CEP68: variants seen among roughly 807,000 people sequenced by gnomAD.
CEP68 encodes centrosomal protein of 68 kDa.
Under a neutral mutation model 55.3 loss-of-function variants are expected in CEP68, and 26 were observed. The ratio of observed to expected loss-of-function variants is 0.47; its 90% confidence interval spans 0.34 to 0.65. CEP68 has a LOEUF of 0.65. Among genes scored for constraint, CEP68 ranks in the 30% least tolerant of loss-of-function variants. The pLI is 0.01. For synonymous variants in CEP68, 402 were observed against 383.2 expected (o/e 1.05, Z -0.57); for missense variants, 957 against 946.7 (o/e 1.01, Z -0.14).
intron 5 of CEP68, chr2:65,080,667 A>C: frequency 4.2e-6 from 2 of 472,292 alleles, no homozygotes; most frequent in Non-Finnish European, 5.5e-6. Flanking sequence ...AAAGTAAAAA[A>C]ATTAGCTGGG....
In CEP68 at chr2:65,072,021, C is replaced by T; in HGVS notation, c.925C>T (p.Leu309=). 6.2e-7 allele frequency: 1 copy of T among 1,613,536 alleles called. No individual in the cohort carries two copies. The highest frequency in any genetic ancestry group is 8.5e-7 in the Non-Finnish European group (1 of 1,180,012). Residue 309 remains leucine, a synonymous_variant, in exon 3 of 7, where the codon CTG becomes TTG. Coordinates refer to ENST00000377990, the MANE Select transcript of CEP68 (RefSeq NM_015147.3). ...AGATCTGCTTGACTATACTTACCCA[C>T]TGAGGCCCGGGCCTCAGCTCCCAAA... ...YEDLLDYTYP[L]RPGPQLPKHL...
At chr2:65,057,304 A>G (rs1028136571) in intron 1 of CEP68, among the ~76,000 whole-genome samples, 4 of 152,230 alleles carry the variant, frequency 2.6e-5, no homozygotes, top group African/African-American at 9.6e-5. Context: ...GATCTAGGGT[A>G]TGAAGAGTGT....
chr2:65,069,974 G>C (rs1383269939), intron 2 of CEP68, among the ~76,000 whole-genome samples, 173 bp downstream of exon 2: 1 of 152,184 alleles, frequency 6.6e-6, no homozygotes, highest in Non-Finnish European at 1.5e-5. Flanking sequence ...TGGGCCTCAG[G>C]ACCGGCCGGG....
At chr2:65,077,383 A>G (rs1431478714) in intron 4 of CEP68, among the ~76,000 whole-genome samples, 1 of 151,952 alleles carries the variant, frequency 6.6e-6, no homozygotes, top group African/African-American at 2.4e-5. Flanking sequence ...TGCTTGGGAA[A>G]CTCACAGCTT....
At chr2:65,061,638 G>A (rs1573016548) in intron 1 of CEP68, among the ~76,000 whole-genome samples, 1 of 152,240 alleles carries the variant, frequency 6.6e-6, no homozygotes, top group African/African-American at 2.4e-5. Context: ...TGGTGTGGGG[G>A]ACTGTGGGGC....
Position 65,084,575 on chromosome 2 carries a change from TTTGCAGCAAGATGA to T in CEP68, c.*943_*956del, listed in dbSNP as rs1356436733. 1 of 152,212 alleles carries T rather than the reference TTTGCAGCAAGATGA, an allele frequency of 6.6e-6. No homozygotes were observed. The highest frequency in any genetic ancestry group is 1.5e-5 in the Non-Finnish European group (1 of 68,036). 9.4% of individuals were successfully genotyped at this position (152,212 alleles called of 1,614,324 possible). On this transcript the variant is annotated 3_prime_UTR_variant, in exon 7 of 7. Coordinates refer to ENST00000377990, the MANE Select transcript of CEP68 (RefSeq NM_015147.3). ...ATTCAAAGCATCAATTCTATAGCTT[TTTGCAGCAAGATGA>T]TCAGTTATTGCTGGTAACTGCAGAT...
At chr2:65,058,620 C>A (rs1675769528) in intron 1 of CEP68, among the ~76,000 whole-genome samples, 1 of 144,558 alleles carries the variant, frequency 6.9e-6, no homozygotes, top group Non-Finnish European at 1.5e-5. Flanking sequence ...AATTCTCCTA[C>A]CTCAGCCTTC....
At chr2:65,080,233 CAA>C (rs1676945952) in intron 5 of CEP68, 1 of 984,982 alleles carries the variant, frequency 1.0e-6, no homozygotes, top group South Asian at 4.7e-5. Flanking sequence ...TTTGCTCTCT[CAA>C]GAGGTTTTTT....
At chr2:65,056,899 G>T (rs1675635793) in intron 1 of CEP68, among the ~76,000 whole-genome samples, 1 of 152,188 alleles carries the variant, frequency 6.6e-6, no homozygotes, top group African/African-American at 2.4e-5. Context: ...GGGCCCCGGG[G>T]GAGGTCACTT....
At chr2:65,082,867 TATG>T (rs1408766718) in intron 6 of CEP68, among the ~76,000 whole-genome samples, 158 bp downstream of exon 6, 2 of 152,224 alleles carry the variant, frequency 1.3e-5, no homozygotes, top group African/African-American at 4.8e-5. Flanking sequence ...CTGGTCTTCC[TATG>T]ATGATGAAGG....
chr2:65,069,858 C>A, intron 2 of CEP68, 57 bp downstream of exon 2: 1 of 1,440,432 alleles, frequency 6.9e-7, no homozygotes, highest in Non-Finnish European at 9.7e-7. Context: ...GGAGTTTGTT[C>A]AGGATTTCCT....
At chr2:65,065,400 G>A (rs1676118051) in intron 1 of CEP68, among the ~76,000 whole-genome samples, 1 of 152,180 alleles carries the variant, frequency 6.6e-6, no homozygotes. Flanking sequence ...ATACAGTACT[G>A]GTCAGTAATG....
In CEP68 at chr2:65,071,619, C is replaced by T. The variant is rs761671530; in HGVS notation, c.523C>T (p.Leu175Phe). 2.8e-5 allele frequency: 45 copies of T among 1,614,236 alleles called. No individual in the cohort carries two copies. The highest frequency in any genetic ancestry group is 3.7e-5 in the Non-Finnish European group (44 of 1,180,046). ...CAGCCAGCAGCCTCACAGCTCAGGT[C>T]TCTCTTGCCTGTCACAGTGGAAGTC... ...DLSQQPHSSG[L>F]SCLSQWKSVL... The change falls in exon 3 of 7, where the codon CTC (leucine) becomes TTC (phenylalanine). Residue 175 changes from leucine to phenylalanine, a missense_variant. Coordinates refer to ENST00000377990, the MANE Select transcript of CEP68 (RefSeq NM_015147.3).
At chr2:65,079,082 C>T (rs1050272829) in intron 5 of CEP68, among the ~76,000 whole-genome samples, 2 of 152,152 alleles carry the variant, frequency 1.3e-5, no homozygotes, top group Non-Finnish European at 2.9e-5. Flanking sequence ...TGCTGACAGC[C>T]TGCCTATATT....
At chr2:65,056,863 C>T (rs950338946) in intron 1 of CEP68, among the ~76,000 whole-genome samples, 2 of 152,152 alleles carry the variant, frequency 1.3e-5, no homozygotes, top group South Asian at 2.1e-4. Flanking sequence ...ATCTGGCGGC[C>T]GAGCAGCTGC....
intron 4 of CEP68, chr2:65,075,130 A>G (rs1676700698): frequency 6.6e-6 from 1 of 152,346 alleles, no homozygotes; most frequent in African/African-American, 2.4e-5. Flanking sequence ...TTAAATAGAA[A>G]TCTAGGCCAG....
At chr2:65,065,745 G>T (rs1676131975) in intron 1 of CEP68, among the ~76,000 whole-genome samples, 1 of 152,102 alleles carries the variant, frequency 6.6e-6, no homozygotes, top group South Asian at 2.1e-4. Context: ...AACTAGGGCG[G>T]ATCATTTGAG....
At chr2:65,062,041 C>T (rs1675935049) in intron 1 of CEP68, among the ~76,000 whole-genome samples, 4 of 152,220 alleles carry the variant, frequency 2.6e-5, no homozygotes, top group African/African-American at 9.6e-5. Flanking sequence ...GCAATTATCA[C>T]TTATTCCTGT....
At chr2:65,081,448 C>T (rs1455516250) in intron 5 of CEP68, among the ~76,000 whole-genome samples, 2 of 152,198 alleles carry the variant, frequency 1.3e-5, no homozygotes, top group African/African-American at 2.4e-5. Flanking sequence ...TAAGCTTCCT[C>T]TTTCCCTTCC....
Sources: allele counts gnomAD v4.1 joint callset (sites outside exome capture counted in the v4.1 genomes callset), GRCh38; gene constraint gnomAD v4.1.1; transcripts MANE v1.5; gene names NCBI Gene and HGNC (gene_info 2026-07-23, HGNC 2026-07-21).